ODF1: variants seen among roughly 807,000 people sequenced by gnomAD.
The protein encoded by ODF1 is outer dense fiber of sperm tails 1, also known as outer dense fiber protein 1.
Under a neutral mutation model 24.0 loss-of-function variants are expected in ODF1, and 10 were observed. The ratio of observed to expected loss-of-function variants is 0.42; its 90% CI spans 0.26 to 0.71. The LOEUF (loss-of-function observed/expected upper bound fraction) is 0.71, where lower values mean the gene tolerates loss of function less well. ODF1 is among the 30% of genes least tolerant of loss of function. The probability of loss-of-function intolerance (pLI) is 0.28; values close to 1 mark genes in which losing one functional copy is unlikely to be tolerated. For missense variants in ODF1, 282 were observed against 307.9 expected (o/e 0.92, Z 0.63); for synonymous variants, 118 against 121.3 (o/e 0.97, Z 0.18).
In ODF1 at chr8:102,551,643, C is replaced by A; in HGVS notation, c.-85C>A. 1.8e-6 allele frequency: 2 copies of A among 1,115,344 alleles called. No individual in the cohort carries two copies. Among genetic ancestry groups the A allele is most frequent in the Non-Finnish European group, 2.6e-6 (2 of 780,368 alleles). The allele number at this position is 1,115,344 out of a possible 1,614,324, so 69.1% of individuals were successfully genotyped here. A position where few individuals can be genotyped will look rare whatever the true frequency, so the allele number is the denominator to read the frequency against. ...TGTGTGCCTCATTTATTTTTAAAAG[C>A]AACTTCTGAGAAGGGCTTAGAACAA... On this transcript the variant is annotated 5_prime_UTR_variant, in exon 1 of 2. Coordinates refer to ENST00000285402, the MANE Select transcript of ODF1 (RefSeq NM_024410.4).
chr8:102,556,285 G>A lies in ODF1; in HGVS notation c.321-4167G>A, dbSNP rs573593634. On this transcript the variant is annotated intron_variant, in intron 1 of 1. Coordinates refer to ENST00000285402, the MANE Select transcript of ODF1 (RefSeq NM_024410.4). ...GCTTAATCTCTGGTCAGTGGTTCTC[G>A]TAGTGTGGCCCCTGAAGCTGATTAG... Among the ~76,000 whole-genome samples, 528 of 152,268 alleles carry A rather than the reference G, an allele frequency of 3.5e-3. 1 individual carries two copies. The highest frequency in any genetic ancestry group is 0.01 in the Middle Eastern group (3 of 294).
intron 1 of ODF1, among the ~76,000 whole-genome samples, chr8:102,559,636 T>C (rs1040262405): frequency 1.3e-5 from 2 of 151,572 alleles, no homozygotes; most frequent in Non-Finnish European, 2.9e-5. Context: ...CTGACTGCCT[T>C]TCTGCTAGTG....
At chr8:102,558,201 C>A (rs1826135599) in intron 1 of ODF1, among the ~76,000 whole-genome samples, 1 of 152,204 alleles carries the variant, frequency 6.6e-6, no homozygotes, top group Non-Finnish European at 1.5e-5. Context: ...CCTGTAATCC[C>A]AGCACTTTGG....
At chr8:102,559,627 T>C (rs1177669733) in intron 1 of ODF1, among the ~76,000 whole-genome samples, 1 of 151,598 alleles carries the variant, frequency 6.6e-6, no homozygotes, top group Non-Finnish European at 1.5e-5. Flanking sequence ...CCCACCCAGC[T>C]GACTGCCTTT....
intron 1 of ODF1, among the ~76,000 whole-genome samples, chr8:102,558,946 T>G (rs577128090): frequency 1.3e-5 from 2 of 151,112 alleles, no homozygotes; most frequent in African/African-American, 4.9e-5. Flanking sequence ...AAATTCAACA[T>G]ACAAAAGTGA....
At position 102,551,737 on chromosome 8, in the gene ODF1, C is replaced by T; in HGVS notation, c.10C>T (p.Leu4=). 1 of 1,593,128 alleles carries T rather than the reference C, an allele frequency of 6.3e-7. No individual in the cohort carries two copies. The highest frequency in any genetic ancestry group is 8.6e-7 in the Non-Finnish European group (1 of 1,165,458). MAA[L]SCLLDSVRRD... Reference sequence around the variant, plus strand: ...ATCAGGTGTGACCATAATGGCTGCACTGAGTTGTCTCTTGGACAGTGTCAG... The same window carrying T: ...ATCAGGTGTGACCATAATGGCTGCATTGAGTTGTCTCTTGGACAGTGTCAG... Residue 4 remains leucine, a synonymous_variant, in exon 1 of 2, where the codon CTG becomes TTG. Coordinates refer to ENST00000285402, the MANE Select transcript of ODF1 (RefSeq NM_024410.4).
At position 102,560,930 on chromosome 8, in the gene ODF1, C is replaced by T; in HGVS notation, c.*46C>T. 1 of 1,518,534 alleles carries T rather than the reference C, an allele frequency of 6.6e-7. No homozygotes were observed. Among genetic ancestry groups the T allele is most frequent in the East Asian group, 2.3e-5 (1 of 44,244 alleles). The allele number at this position is 1,518,534 out of a possible 1,614,324, so 94.1% of individuals were successfully genotyped here. On this transcript the variant is annotated 3_prime_UTR_variant, in exon 2 of 2. Coordinates refer to ENST00000285402, the MANE Select transcript of ODF1 (RefSeq NM_024410.4). The stretch of plus-strand genomic sequence containing the variant: ...ACTTAATAGAAGTCAGTTACTCCAG[C>T]CAGGCAGCTCTCCCAATGTTTCTCC...
rs1826178269 is a variant in ODF1 at position 102,560,966 on chromosome 8, A to T, written c.*82A>T. The T allele has an allele frequency of 1.6e-6, 2 of 1,270,884 alleles. No homozygotes were observed. The highest frequency in any genetic ancestry group is 4.6e-5 in the East Asian group (2 of 43,142). 78.7% of individuals were successfully genotyped at this position (1,270,884 alleles called of 1,614,324 possible). ...TCCCAATGTTTCTCCTCTCCTTCCC[A>T]TGGCCCCTGTTGTTGAAGTACGTAG... is the stretch of plus-strand genomic sequence containing the variant. On this transcript the variant is annotated 3_prime_UTR_variant, in exon 2 of 2. Transcript: ENST00000285402.
At chr8:102,554,044 T>C (rs1826081006) in intron 1 of ODF1, among the ~76,000 whole-genome samples, 1 of 152,164 alleles carries the variant, frequency 6.6e-6, no homozygotes, top group Admixed American at 6.5e-5. Context: ...TTCTATGCTC[T>C]ATTTCTGACA....
intron 1 of ODF1, among the ~76,000 whole-genome samples, chr8:102,556,627 G>A (rs1826115779): frequency 6.6e-6 from 1 of 152,078 alleles, no homozygotes; most frequent in Admixed American, 6.6e-5. Flanking sequence ...AGCCACCTGT[G>A]TTTTAACAAA....
chr8:102,552,114 A>G, intron 1 of ODF1, 67 bp downstream of exon 1: 2 of 1,090,086 alleles, frequency 1.8e-6, no homozygotes, highest in Non-Finnish European at 2.6e-6. Context: ...ATAAGGAAAA[A>G]TATGTGACAA....
intron 1 of ODF1, among the ~76,000 whole-genome samples, chr8:102,556,951 G>T (rs2248172): frequency 2.6e-5 from 4 of 152,210 alleles, no homozygotes; most frequent in Non-Finnish European, 5.9e-5. Context: ...ATTCATGACC[G>T]GGTTAAATCT....
chr8:102,552,095 TA>T, intron 1 of ODF1, 48 bp downstream of exon 1: 1 of 1,341,122 alleles, frequency 7.5e-7, no homozygotes. Context: ...ATTAGCCTTA[TA>T]AGTTGGAATA....
chr8:102,557,828 G>A (rs1367268099), intron 1 of ODF1, among the ~76,000 whole-genome samples: 1 of 152,224 alleles, frequency 6.6e-6, no homozygotes, highest in Non-Finnish European at 1.5e-5. Flanking sequence ...TGCACACACC[G>A]TGGGAGAGTC....
At position 102,560,787 on chromosome 8, in the gene ODF1, A is replaced by G. The variant is rs62523271; in HGVS notation, c.656A>G (p.Asn219Ser). 70 of 889,510 alleles carry G rather than the reference A, an allele frequency of 7.9e-5. No homozygotes were observed. The highest frequency in any genetic ancestry group is 7.8e-4 in the African/African-American group (38 of 48,432). The allele number at this position is 889,510 out of a possible 1,614,324, so 55.1% of individuals were successfully genotyped here. ...CSPCSPCSPC[N>S]PCSPCNPCSP... Reference sequence around the variant, plus strand: ...CCCTGCAGCCCCTGCAGCCCCTGCAACCCCTGCAGCCCCTGCAACCCGTGC... The same window carrying G: ...CCCTGCAGCCCCTGCAGCCCCTGCAGCCCCTGCAGCCCCTGCAACCCGTGC... The change falls in exon 2 of 2, where the codon AAC (asparagine) becomes AGC (serine). Residue 219 changes from asparagine to serine, a missense_variant. Physicochemically the swap from Asn to Ser is conservative, Grantham distance 46. Transcript: ENST00000285402.
At chr8:102,557,490 G>A (rs139898297) in intron 1 of ODF1, among the ~76,000 whole-genome samples, 179 of 152,350 alleles carry the variant, frequency 1.2e-3, no homozygotes, top group African/African-American at 3.8e-3. Flanking sequence ...CAGAGCCACA[G>A]GAGCCAAAGT....
Position 102,551,944 on chromosome 8 carries a change from T to C in ODF1, c.217T>C (p.Cys73Arg). The C allele has an allele frequency of 6.2e-7, 1 of 1,614,174 alleles. No homozygotes were observed. Among genetic ancestry groups the C allele is most frequent in the Non-Finnish European group, 8.5e-7 (1 of 1,180,018 alleles). The part of the protein sequence containing the change: ...RSCGLCDLYP[C>R]CLCDYKLYCL... Reference sequence around the variant, plus strand: ...TTGCGGCCTGTGTGATCTCTACCCATGTTGCCTGTGTGATTATAAGCTTTA... The same window carrying C: ...TTGCGGCCTGTGTGATCTCTACCCACGTTGCCTGTGTGATTATAAGCTTTA... The change falls in exon 1 of 2, where the codon TGT (cysteine) becomes CGT (arginine). Residue 73 changes from cysteine to arginine, a missense_variant. Physicochemically the swap from Cys to Arg is radical, Grantham distance 180. Coordinates refer to ENST00000285402, the MANE Select transcript of ODF1 (RefSeq NM_024410.4).
At chr8:102,554,669 C>T (rs889775671) in intron 1 of ODF1, among the ~76,000 whole-genome samples, 2 of 152,126 alleles carry the variant, frequency 1.3e-5, no homozygotes, top group Non-Finnish European at 2.9e-5. Context: ...AAATCCAATC[C>T]AAGCTGGGTG....
chr8:102,551,734 G>A lies in ODF1; in HGVS notation c.7G>A (p.Ala3Thr). Reference sequence around the variant, plus strand: ...ACAATCAGGTGTGACCATAATGGCTGCACTGAGTTGTCTCTTGGACAGTGT... The same window carrying A: ...ACAATCAGGTGTGACCATAATGGCTACACTGAGTTGTCTCTTGGACAGTGT... MA[A>T]LSCLLDSVRR... Residue 3 changes from alanine to threonine, a missense_variant, in exon 1 of 2, where the codon GCA becomes ACA. Coordinates refer to ENST00000285402, the MANE Select transcript of ODF1 (RefSeq NM_024410.4). 6.3e-7 allele frequency: 1 copy of A among 1,591,458 alleles called. No individual in the cohort carries two copies. Among genetic ancestry groups the A allele is most frequent in the Non-Finnish European group, 8.6e-7 (1 of 1,164,664 alleles).
Sources: gnomAD v4.1 joint callset for allele counts (sites outside exome capture counted in the v4.1 genomes callset) on GRCh38, gnomAD v4.1.1 for gene constraint, MANE v1.5 for transcripts, NCBI Gene and HGNC (gene_info 2026-07-23, HGNC 2026-07-21) for gene names.